Variants in NFAM1 observed in about 807,000 individuals in gnomAD.
The protein encoded by NFAM1 is NFAT activation molecule 1.
NFAM1 carries 17 observed loss-of-function variants against 29.0 expected under a neutral mutation model. That is an observed-to-expected ratio of 0.59 (90% CI 0.40 to 0.88). The LOEUF is 0.88. Among genes scored for constraint, NFAM1 ranks in the 40% least tolerant of loss-of-function variants. NFAM1 has a pLI of 0.00. For missense variants in NFAM1, 324 were observed against 344.6 expected, an observed-to-expected ratio of 0.94 and a Z score of 0.47; for synonymous variants, 175 against 147.2, an observed-to-expected ratio of 1.19 and a Z score of -1.36.
At chr22:42,393,290 C>T (rs894309758) in intron 4 of NFAM1, among the ~76,000 whole-genome samples, 1 of 152,102 alleles carries the variant, frequency 6.6e-6, no homozygotes, top group Non-Finnish European at 1.5e-5. Flanking sequence ...GTGGTATGCA[C>T]CTGTAATTCC....
At chr22:42,386,911 T>C in intron 5 of NFAM1, 78 bp downstream of exon 5, 1 of 773,936 alleles carries the variant, frequency 1.3e-6, no homozygotes, top group Non-Finnish European at 2.1e-6. Context: ...CCATGTCCCA[T>C]TTGCCCCCCC....
chr22:42,427,187 T>G (rs1203148153), intron 1 of NFAM1, among the ~76,000 whole-genome samples: 2 of 152,090 alleles, frequency 1.3e-5, no homozygotes, highest in Non-Finnish European at 1.5e-5. Context: ...ACGTCCCCAC[T>G]AGGGTATGGC....
intron 3 of NFAM1, among the ~76,000 whole-genome samples, chr22:42,399,893 C>A (rs372800612): frequency 1.5e-3 from 222 of 152,346 alleles, no homozygotes; most frequent in African/African-American, 5.1e-3. Flanking sequence ...ACTTAACTCG[C>A]AGGCAGAAGC....
At chr22:42,415,588 C>T (rs1032794865) in intron 1 of NFAM1, among the ~76,000 whole-genome samples, 1 of 152,186 alleles carries the variant, frequency 6.6e-6, no homozygotes, top group Non-Finnish European at 1.5e-5. Context: ...CGTGAGCCAC[C>T]GCGCCCGGCC....
intron 4 of NFAM1, among the ~76,000 whole-genome samples, chr22:42,396,935 TG>T (rs1459291767): frequency 6.8e-6 from 1 of 147,266 alleles, no homozygotes; most frequent in African/African-American, 2.6e-5. Flanking sequence ...GGCGTGCACC[TG>T]GGGGGCGTGC....
At chr22:42,401,250 C>A (rs764698215) in intron 3 of NFAM1, among the ~76,000 whole-genome samples, 2 of 152,166 alleles carry the variant, frequency 1.3e-5, no homozygotes, top group Admixed American at 6.5e-5. Context: ...TTAGACATTG[C>A]GAACAGCTCG....
Position 42,422,563 on chromosome 22 carries a change from A to G in NFAM1, c.121+9674T>C, listed in dbSNP as rs184581374. 1.5e-4 allele frequency among the ~76,000 whole-genome samples: 23 copies of G among 152,136 alleles called. No homozygotes were observed. In the East Asian group the frequency reaches 4.5e-3, roughly 29 times the overall value. On this transcript the variant is annotated intron_variant, in intron 1 of 5. Coordinates refer to ENST00000329021, the MANE Select transcript of NFAM1 (RefSeq NM_145912.8). ...GAGGGTGAGCCGAGACCGCGCCACT[A>G]CACTCCAGCCTGGGTGACAGAGTGA...
intron 1 of NFAM1, among the ~76,000 whole-genome samples, chr22:42,416,031 G>C (rs1930250077): frequency 6.6e-6 from 1 of 152,142 alleles, no homozygotes; most frequent in Non-Finnish European, 1.5e-5. Context: ...CGGGGGTCTA[G>C]AGGGTGTCCA....
At chr22:42,407,903 CTTTTTTTT>C (rs61407898) in intron 3 of NFAM1, among the ~76,000 whole-genome samples, 6 of 103,312 alleles carry the variant, frequency 5.8e-5, no homozygotes, top group African/African-American at 2.3e-4. Flanking sequence ...ACAGATTTCT[CTTTTTTTT>C]TTTTTTTTTT....
intron 1 of NFAM1, among the ~76,000 whole-genome samples, chr22:42,416,731 A>T (rs561901389): frequency 1.8e-4 from 27 of 152,276 alleles, no homozygotes; most frequent in Admixed American, 2.6e-4. Flanking sequence ...GTATTCCCTG[A>T]GTGAGGGCAC....
At chr22:42,425,258 T>C (rs184996314) in intron 1 of NFAM1, among the ~76,000 whole-genome samples, 4 of 147,720 alleles carry the variant, frequency 2.7e-5, no homozygotes, top group African/African-American at 1.0e-4. Flanking sequence ...AGAGAAATAC[T>C]AGAATTCCAG....
intron 1 of NFAM1, among the ~76,000 whole-genome samples, chr22:42,412,504 C>T (rs1034869238): frequency 2.0e-5 from 3 of 152,228 alleles, no homozygotes; most frequent in African/African-American, 7.2e-5. Context: ...CTGGGGAACA[C>T]CAGAGCCTGC....
chr22:42,414,675 G>A (rs1039786693), intron 1 of NFAM1, among the ~76,000 whole-genome samples: 4 of 151,652 alleles, frequency 2.6e-5, no homozygotes, highest in East Asian at 1.9e-4. Flanking sequence ...ACAGGCCACT[G>A]CCCCCTCTGT....
chr22:42,409,047 G>A lies in NFAM1; in HGVS notation c.564+388C>T, dbSNP rs1021587934. 2.0e-5 allele frequency among the ~76,000 whole-genome samples: 3 copies of A among 152,138 alleles called. No homozygotes were observed. Among genetic ancestry groups the A allele is most frequent in the African/African-American group, 7.2e-5 (3 of 41,440 alleles). On this transcript the variant is annotated intron_variant, in intron 3 of 5. Coordinates refer to ENST00000329021, the MANE Select transcript of NFAM1 (RefSeq NM_145912.8). This position sits in a 1 kb window ranked among gnomAD's most constrained non-coding sequence, Gnocchi z 4.9. Reference sequence around the variant, plus strand: ...GGCGAGTGGGAGGGTGTGTGGGAGAGCACCTGTGTGAGTGGCTGGTAGCCC... The same window carrying A: ...GGCGAGTGGGAGGGTGTGTGGGAGAACACCTGTGTGAGTGGCTGGTAGCCC...
chr22:42,398,789 G>A (rs1296029251), intron 3 of NFAM1, among the ~76,000 whole-genome samples: 1 of 152,156 alleles, frequency 6.6e-6, no homozygotes, highest in Non-Finnish European at 1.5e-5. Context: ...CAAGGAGTAG[G>A]TGCCTGGTGC....
In NFAM1 at chr22:42,382,395, G is replaced by A. The variant is rs1002035056; in HGVS notation, c.*2766C>T. The A allele has an allele frequency of 2.6e-5, 4 of 152,100 alleles. No individual in the cohort carries two copies. The highest frequency in any genetic ancestry group is 7.2e-5 in the African/African-American group (3 of 41,404). The allele number at this position is 152,100 out of a possible 1,614,324, so 9.4% of individuals were successfully genotyped here. ...TGTCACTGCAAACTGAGGCTCAGGT[G>A]GCCAGTGACTTGCCCAAGTCCACAA... On this transcript the variant is annotated 3_prime_UTR_variant, in exon 6 of 6. Transcript: ENST00000329021.
intron 4 of NFAM1, among the ~76,000 whole-genome samples, chr22:42,393,074 G>GA (rs1555968929): frequency 1.3e-5 from 2 of 151,670 alleles, no homozygotes; most frequent in African/African-American, 2.4e-5. Context: ...AATAGGTCAA[G>GA]TTTTTTTTAA....
rs935011578 is a variant in NFAM1 at position 42,381,190 on chromosome 22, C to G, written c.*3971G>C. ...CAGCCAGTGGCCTCCTAGCTTAGTT[C>G]TGGGCCCCCGCCTGCAAGCACACGT... On this transcript the variant is annotated 3_prime_UTR_variant, in exon 6 of 6. Transcript: ENST00000329021. 2.6e-5 allele frequency: 4 copies of G among 152,720 alleles called. No homozygotes were observed. The highest frequency in any genetic ancestry group is 1.3e-4 in the Admixed American group (2 of 15,282). 9.5% of individuals were successfully genotyped at this position (152,720 alleles called of 1,614,324 possible). A position where few individuals can be genotyped will look rare whatever the true frequency, so the allele number is the denominator to read the frequency against.
At chr22:42,397,269 T>C (rs1414652533) in intron 4 of NFAM1, among the ~76,000 whole-genome samples, 1 of 152,148 alleles carries the variant, frequency 6.6e-6, no homozygotes, top group African/African-American at 2.4e-5. Flanking sequence ...TTCCTGGAGA[T>C]GCACCCACAT....
Sources: gnomAD v4.1 joint callset for allele counts (sites outside exome capture counted in the v4.1 genomes callset) on GRCh38, gnomAD v4.1.1 for gene constraint, Gnocchi (gnomAD v3.1) non-coding constraint, MANE v1.5 for transcripts, NCBI Gene and HGNC (gene_info 2026-07-23, HGNC 2026-07-21) for gene names.